Variants in DLGAP1 observed in about 807,000 individuals in gnomAD.
The protein encoded by DLGAP1 is DLG associated protein 1.
DLGAP1 carries 11 observed loss-of-function variants against 90.8 expected under a neutral mutation model. That is an observed-to-expected ratio of 0.12 (90% CI 0.08 to 0.20). The LOEUF (loss-of-function observed/expected upper bound fraction) is 0.20, where lower values mean the gene tolerates loss of function less well. Ranked by LOEUF, DLGAP1 falls within the 10% of genes least tolerant of loss-of-function variation. DLGAP1 has a pLI of 1.00. For missense variants in DLGAP1, 1,050 were observed against 1,333.8 expected (o/e 0.79, Z 3.31); for synonymous variants, 558 against 540.7 (o/e 1.03, Z -0.44).
At chr18:3,590,275 C>T (rs633280) in intron 7 of DLGAP1, among the ~76,000 whole-genome samples, 133,559 of 152,180 alleles carry the variant, frequency 0.88, 58,656 homozygotes, top group African/African-American at 0.91. Context: ...TGGAACTGGC[C>T]CTTCTCAGCT....
At chr18:4,258,333 C>A (rs1439091562) in intron 1 of DLGAP1, among the ~76,000 whole-genome samples, 1 of 152,140 alleles carries the variant, frequency 6.6e-6, no homozygotes, top group Non-Finnish European at 1.5e-5. Context: ...CTTGAGCCAC[C>A]ACACCCAGCC....
At chr18:3,598,078 C>A (rs574004589) in intron 7 of DLGAP1, 1 of 152,202 alleles carries the variant, frequency 6.6e-6, no homozygotes, top group Non-Finnish European at 1.5e-5. Flanking sequence ...GGGCCGGGTG[C>A]GGTGGCTCAC....
At chr18:3,900,782 T>G (rs1455741911) in intron 3 of DLGAP1, among the ~76,000 whole-genome samples, 1 of 152,186 alleles carries the variant, frequency 6.6e-6, no homozygotes, top group Non-Finnish European at 1.5e-5. Context: ...GAGTTTGATG[T>G]AACAGAATCC....
intron 5 of DLGAP1, among the ~76,000 whole-genome samples, chr18:3,767,648 T>C (rs1181000794): frequency 6.6e-6 from 1 of 152,030 alleles, no homozygotes; most frequent in Admixed American, 6.5e-5. Context: ...ATTGATACCA[T>C]ATTAAGAGGC....
intron 1 of DLGAP1, among the ~76,000 whole-genome samples, chr18:4,330,051 T>C (rs979705145): frequency 3.3e-5 from 5 of 152,014 alleles, no homozygotes; most frequent in African/African-American, 1.2e-4. Flanking sequence ...TTGATAGACA[T>C]TGAGCTTTTC....
At chr18:4,269,942 C>G (rs967294488) in intron 1 of DLGAP1, among the ~76,000 whole-genome samples, 1 of 152,154 alleles carries the variant, frequency 6.6e-6, no homozygotes, top group African/African-American at 2.4e-5. Context: ...TTTACAAAGG[C>G]CTTTTCTACT....
chr18:4,393,384 C>A (rs1598346104), intron 1 of DLGAP1, among the ~76,000 whole-genome samples: 4 of 152,192 alleles, frequency 2.6e-5, no homozygotes, highest in Admixed American at 2.6e-4. Flanking sequence ...CAGTCTCTTT[C>A]CCACGCAAGA....
At chr18:3,582,726 T>C (rs2055595506) in intron 7 of DLGAP1, among the ~76,000 whole-genome samples, 1 of 152,124 alleles carries the variant, frequency 6.6e-6, no homozygotes, top group Non-Finnish European at 1.5e-5. Context: ...GTTGTGAGGA[T>C]GCGTGTTCTG....
chr18:3,581,289 C>T (rs973295735), intron 8 of DLGAP1, among the ~76,000 whole-genome samples: 2 of 152,162 alleles, frequency 1.3e-5, no homozygotes, highest in African/African-American at 4.8e-5. Context: ...TGGCCCTCCT[C>T]CCTGTCTTCT....
chr18:3,863,893 T>G (rs1435581843), intron 4 of DLGAP1, among the ~76,000 whole-genome samples: 2 of 152,234 alleles, frequency 1.3e-5, no homozygotes. Context: ...TCCTTTGGCC[T>G]GGCCTCCAGG....
chr18:3,966,444 T>C (rs1396426009), intron 3 of DLGAP1, among the ~76,000 whole-genome samples: 4 of 151,996 alleles, frequency 2.6e-5, no homozygotes, highest in African/African-American at 9.7e-5. Context: ...GAATGAACCA[T>C]TGGAGGTAAG....
chr18:3,536,227 T>C lies in DLGAP1; in HGVS notation c.2058-1612A>G, dbSNP rs1320412127. Among the ~76,000 whole-genome samples the C allele has an allele frequency of 5.4e-4, 56 of 102,976 alleles. 1 individual carries two copies. Among genetic ancestry groups the C allele is most frequent in the African/African-American group, 9.2e-4 (34 of 36,974 alleles). The allele number at this position is 102,976 out of a possible 152,430, so 67.6% of individuals were successfully genotyped here. ...CTTTCCTTTCTTACTTTCTTTCTTT[T>C]TTTTTTTTTTTTCTGAGACAGAGTC... On this transcript the variant is annotated intron_variant, in intron 9 of 12. Coordinates refer to ENST00000315677, the MANE Select transcript of DLGAP1 (RefSeq NM_004746.4).
intron 1 of DLGAP1, among the ~76,000 whole-genome samples, chr18:4,402,482 G>A (rs1464280698): frequency 6.6e-6 from 1 of 152,122 alleles, no homozygotes; most frequent in Non-Finnish European, 1.5e-5. Flanking sequence ...TGCTCTTCAA[G>A]AAAACTATGG....
At position 3,600,887 on chromosome 18, in the gene DLGAP1, T is replaced by TAG. The variant is rs2056936339; in HGVS notation, c.1592-18640_1592-18639insCT. Among the ~76,000 whole-genome samples, 5 of 127,204 alleles carry TAG rather than the reference T, an allele frequency of 3.9e-5. 1 individual carries two copies. The highest frequency in any genetic ancestry group is 3.2e-5 in the Non-Finnish European group (2 of 62,218). The allele number at this position is 127,204 out of a possible 152,430, so 83.5% of individuals were successfully genotyped here. A position where few individuals can be genotyped will look rare whatever the true frequency, so the allele number is the denominator to read the frequency against. The stretch of plus-strand genomic sequence containing the variant: ...ATAGATATATAGATATATAGATAGA[T>TAG]ATATAGATATATATAGATATATAGA... On this transcript the variant is annotated intron_variant, in intron 7 of 12. Transcript: ENST00000315677.
intron 1 of DLGAP1, chr18:4,294,412 A>T (rs2079925155): frequency 6.6e-6 from 1 of 152,230 alleles, no homozygotes; most frequent in African/African-American, 2.4e-5. Context: ...AGAGGTGGGT[A>T]TAAGTGAAAT....
intron 1 of DLGAP1, among the ~76,000 whole-genome samples, chr18:4,387,930 TACACACACACACACACACACACACAC>T (rs1171436413): frequency 8.1e-6 from 1 of 123,258 alleles, no homozygotes; most frequent in African/African-American, 3.1e-5. Flanking sequence ...CCATCACACA[TACACACACACACACACACACACACAC>T]ACACACACAC....
chr18:4,348,307 T>A (rs2081338017), intron 1 of DLGAP1, among the ~76,000 whole-genome samples: 4 of 151,874 alleles, frequency 2.6e-5, no homozygotes, highest in Admixed American at 2.6e-4. Context: ...TTCTCAATGT[T>A]AAAAAGAGGA....
At chr18:3,550,040 A>T (rs574511672) in intron 9 of DLGAP1, among the ~76,000 whole-genome samples, 3 of 152,176 alleles carry the variant, frequency 2.0e-5, no homozygotes, top group Non-Finnish European at 4.4e-5. Flanking sequence ...CATCCTCCCA[A>T]GTAGCTGAGA....
At chr18:4,180,656 C>G (rs1214602286) in intron 1 of DLGAP1, among the ~76,000 whole-genome samples, 3 of 152,058 alleles carry the variant, frequency 2.0e-5, no homozygotes, top group Non-Finnish European at 4.4e-5. Flanking sequence ...CAACTTTCAC[C>G]CAGGCTCACC....
Sources: allele counts gnomAD v4.1 joint callset (sites outside exome capture counted in the v4.1 genomes callset), GRCh38; gene constraint gnomAD v4.1.1; transcripts MANE v1.5; gene names NCBI Gene and HGNC (gene_info 2026-07-23, HGNC 2026-07-21).